FMR1NB: variants seen among roughly 807,000 people sequenced by gnomAD.
FMR1NB encodes the protein FMR1 neighbor.
Under a neutral mutation model 16.8 loss-of-function variants are expected in FMR1NB, and 10 were observed. That is an observed-to-expected ratio of 0.60 (90% CI 0.37 to 1.01). The LOEUF is 1.01. Among genes scored for constraint, FMR1NB ranks in the 50% least tolerant of loss-of-function variants. FMR1NB has a pLI of 0.01. For missense variants in FMR1NB, 205 were observed against 204.8 expected, an observed-to-expected ratio of 1.00 and a Z score of 0.00; for synonymous variants, 83 against 79.1, an observed-to-expected ratio of 1.05 and a Z score of -0.26.
chrX:147,997,855 A>G (rs12689860), intron 1 of FMR1NB, among the ~76,000 whole-genome samples: 13,669 of 111,776 alleles, frequency 0.12, 976 homozygotes, highest in East Asian at 0.57. Context: ...ATGAAAAAAA[A>G]CTCATCATCA....
At chrX:147,985,966 C>T (rs1234256356) in intron 1 of FMR1NB, among the ~76,000 whole-genome samples, 3 of 112,406 alleles carry the variant, frequency 2.7e-5, no homozygotes, top group Non-Finnish European at 5.6e-5. Flanking sequence ...TTCTTCACAT[C>T]CTCACCAGCA....
chrX:147,982,824 G>A (rs1557186772), intron 1 of FMR1NB, among the ~76,000 whole-genome samples: 2 of 110,949 alleles, frequency 1.8e-5, no homozygotes, highest in African/African-American at 3.3e-5. Flanking sequence ...GACCCGGAAG[G>A]CGGAGCTTGC....
chrX:148,012,936 T>C (rs1166916682), intron 4 of FMR1NB, among the ~76,000 whole-genome samples: 2 of 112,242 alleles, frequency 1.8e-5, no homozygotes, highest in Non-Finnish European at 3.8e-5. Context: ...CTGGAAAGTT[T>C]GAAGTTCCTA....
intron 1 of FMR1NB, among the ~76,000 whole-genome samples, chrX:148,002,119 T>C (rs1056678190): frequency 2.7e-5 from 3 of 111,449 alleles, no homozygotes; most frequent in Non-Finnish European, 5.7e-5. Context: ...ACATATAACA[T>C]TTTAAGCTTC....
intron 1 of FMR1NB, among the ~76,000 whole-genome samples, chrX:147,994,870 A>G (rs1372018572): frequency 8.9e-6 from 1 of 112,544 alleles, no homozygotes; most frequent in African/African-American, 3.2e-5. Context: ...AATTAACATA[A>G]CAAAATGCAC....
In FMR1NB at chrX:148,003,257, C is replaced by T. The variant is rs1557188800; in HGVS notation, c.334C>T (p.His112Tyr). 8.3e-7 allele frequency: 1 copy of T among 1,210,305 alleles called. No individual in the cohort carries two copies. The highest frequency in any genetic ancestry group is 1.1e-6 in the Non-Finnish European group (1 of 894,117). The change falls in exon 2 of 6, where the codon CAT becomes TAT. Residue 112 changes from histidine to tyrosine, a missense_variant. His to Tyr is a moderately conservative substitution (Grantham distance 83). Transcript: ENST00000370467. ...TATCCTGCCCAACAGTGAAAATGCTCATGGCCAATCTCTGGAAGAAGATTC... is the reference window on the plus strand; with the variant it reads ...TATCCTGCCCAACAGTGAAAATGCTTATGGCCAATCTCTGGAAGAAGATTC... ...GHILPNSENA[H>Y]GQSLEEDSAL...
At chrX:147,982,385 C>G (rs1432998697) in intron 1 of FMR1NB, among the ~76,000 whole-genome samples, 5 of 108,366 alleles carry the variant, frequency 4.6e-5, no homozygotes, top group African/African-American at 1.7e-4. Context: ...CTTAGGAGTT[C>G]AAGACTAGCC....
intron 1 of FMR1NB, among the ~76,000 whole-genome samples, chrX:147,989,636 G>A (rs887642389): frequency 1.8e-5 from 2 of 111,924 alleles, no homozygotes; most frequent in African/African-American, 6.5e-5. Context: ...CTTTCCTCGG[G>A]TGCTCTGTCC....
intron 4 of FMR1NB, among the ~76,000 whole-genome samples, chrX:148,010,953 C>T (rs2044620853): frequency 1.8e-5 from 2 of 111,253 alleles, no homozygotes; most frequent in Admixed American, 9.6e-5. Context: ...TGGACAGTGC[C>T]TTTTTTAAGG....
chrX:148,011,936 G>A (rs2044627593), intron 4 of FMR1NB, among the ~76,000 whole-genome samples: 1 of 111,642 alleles, frequency 9.0e-6, no homozygotes, highest in African/African-American at 3.3e-5. Flanking sequence ...AGGAAGCAGA[G>A]AGCATTAGTG....
intron 3 of FMR1NB, 30 bp from the exon 4 acceptor site, chrX:148,008,588 G>T (rs1557189348): frequency 8.5e-7 from 1 of 1,176,487 alleles, no homozygotes; most frequent in African/African-American, 1.8e-5. Flanking sequence ...CTTAAGTCAT[G>T]AAAGTAACAG....
At chrX:148,015,989 G>A (rs1054417589) in intron 4 of FMR1NB, among the ~76,000 whole-genome samples, 4 of 112,012 alleles carry the variant, frequency 3.6e-5, no homozygotes, top group Admixed American at 9.4e-5. Context: ...GGGTGTTCCA[G>A]TGTTGGGTGC....
chrX:148,013,511 G>A (rs1315509185), intron 4 of FMR1NB, among the ~76,000 whole-genome samples: 7 of 111,976 alleles, frequency 6.3e-5, no homozygotes, highest in Non-Finnish European at 1.1e-4. Context: ...GAAATATATA[G>A]TAGGAAGAAC....
intron 4 of FMR1NB, among the ~76,000 whole-genome samples, chrX:148,016,865 G>A (rs1257749408): frequency 9.0e-6 from 1 of 110,851 alleles, no homozygotes; most frequent in Non-Finnish European, 1.9e-5. Flanking sequence ...TTCGTCTTTA[G>A]TCTTTCCACT....
At chrX:147,981,800 C>G in intron 1 of FMR1NB, 121 bp downstream of exon 1, 1 of 830,902 alleles carries the variant, frequency 1.2e-6, no homozygotes, top group Non-Finnish European at 1.7e-6. Context: ...TTCCTGTCCT[C>G]TCTCCTCCCA....
intron 4 of FMR1NB, among the ~76,000 whole-genome samples, chrX:148,022,996 C>T (rs1258115602): frequency 1.8e-5 from 2 of 111,499 alleles, no homozygotes; most frequent in South Asian, 3.7e-4. Flanking sequence ...ATTCATTTTG[C>T]GACAAACCTG....
chrX:148,020,013 C>T (rs1484948785), intron 4 of FMR1NB, among the ~76,000 whole-genome samples: 1 of 112,203 alleles, frequency 8.9e-6, no homozygotes, highest in East Asian at 2.8e-4. Context: ...CTTGCAGGCC[C>T]CAGGCATGTC....
intron 1 of FMR1NB, among the ~76,000 whole-genome samples, chrX:147,987,397 G>T (rs1216674132): frequency 7.2e-5 from 8 of 111,828 alleles, no homozygotes; most frequent in African/African-American, 2.3e-4. Flanking sequence ...TCCTTGTCTT[G>T]TGCCGGTTTT....
chrX:147,987,905 A>G (rs1363975004), intron 1 of FMR1NB, among the ~76,000 whole-genome samples: 3 of 107,987 alleles, frequency 2.8e-5, no homozygotes, highest in Non-Finnish European at 3.8e-5. Context: ...GAGACTGTGT[A>G]TGTCTTTGCA....
Sources: allele counts gnomAD v4.1 joint callset (sites outside exome capture counted in the v4.1 genomes callset), GRCh38; gene constraint gnomAD v4.1.1; transcripts MANE v1.5; gene names NCBI Gene and HGNC (gene_info 2026-07-23, HGNC 2026-07-21).